SLC39A11: variants seen among roughly 807,000 people sequenced by gnomAD.
SLC39A11 encodes solute carrier family 39 member 11.
Under a neutral mutation model 36.1 loss-of-function variants are expected in SLC39A11, and 33 were observed. The observed-to-expected ratio is 0.91, with a 90% CI of 0.69 to 1.22. SLC39A11 has a LOEUF of 1.22. SLC39A11 is among the 50% of genes most tolerant of loss of function. SLC39A11 has a pLI of 0.00. For synonymous variants in SLC39A11, 166 were observed against 170.3 expected (o/e 0.97, Z 0.20); for missense variants, 432 against 430.3 (o/e 1.00, Z -0.03).
chr17:72,697,518 C>A (rs1267408621), intron 7 of SLC39A11, among the ~76,000 whole-genome samples: 1 of 152,206 alleles, frequency 6.6e-6, no homozygotes, highest in Non-Finnish European at 1.5e-5. Flanking sequence ...CAATCTCCCA[C>A]AATCTCCATC....
At chr17:72,979,619 G>A (rs529680031) in intron 4 of SLC39A11, among the ~76,000 whole-genome samples, 53 of 152,216 alleles carry the variant, frequency 3.5e-4, no homozygotes, top group African/African-American at 1.1e-3. Flanking sequence ...TGTGTGAAGC[G>A]CCACAGAAAA....
At chr17:72,771,553 T>A (rs554526577) in intron 6 of SLC39A11, among the ~76,000 whole-genome samples, 1 of 151,936 alleles carries the variant, frequency 6.6e-6, no homozygotes, top group East Asian at 1.9e-4. Flanking sequence ...AGAAGCTCCA[T>A]GGTAGGATGG....
intron 6 of SLC39A11, among the ~76,000 whole-genome samples, chr17:72,737,071 T>A (rs2074462682): frequency 6.9e-6 from 1 of 144,472 alleles, no homozygotes; most frequent in Non-Finnish European, 1.5e-5. Context: ...AGGTCAGGAG[T>A]TCGAGACCAG....
rs144398599 is a variant in SLC39A11, at chr17:72,951,784, C to CAG, written c.307-3911_307-3910dup. ...ACTAGCCCATTATTAACTGTAAAGACAGTGTTCCTTTAGGGAAGATGCCAA... is the reference window on the plus strand; with the variant it reads ...ACTAGCCCATTATTAACTGTAAAGACAGAGTGTTCCTTTAGGGAAGATGCCAA... On this transcript the variant is annotated intron_variant, in intron 4 of 9. Transcript: ENST00000255559. Among the ~76,000 whole-genome samples, 537 of 152,196 alleles carry CAG rather than the reference C, an allele frequency of 3.5e-3. 6 individuals are homozygous for CAG. Among genetic ancestry groups the CAG allele is most frequent in the African/African-American group, 0.012 (491 of 41,526 alleles).
intron 5 of SLC39A11, among the ~76,000 whole-genome samples, chr17:72,872,195 G>C (rs993730487): frequency 1.3e-5 from 2 of 152,172 alleles, no homozygotes; most frequent in Admixed American, 6.5e-5. Context: ...GGAGTGGAGG[G>C]AGTTGGAAGC....
At chr17:72,988,354 T>C (rs542441398) in intron 4 of SLC39A11, among the ~76,000 whole-genome samples, 1 of 152,180 alleles carries the variant, frequency 6.6e-6, no homozygotes, top group African/African-American at 2.4e-5. Context: ...CCAGCTACTT[T>C]GGAGGCTGAG....
rs187083518 is a variant in SLC39A11, at chr17:72,975,734, C to T, written c.307-27859G>A. ...CAGCTGCTGTAACAAAGATAGAAAG[C>T]GAACAATGACTGAAGTACAATAGAC... is the stretch of plus-strand genomic sequence containing the variant. On this transcript the variant is annotated intron_variant, in intron 4 of 9. Transcript: ENST00000255559. 1.4e-3 allele frequency among the ~76,000 whole-genome samples: 210 copies of T among 152,240 alleles called. 1 individual carries two copies. Among genetic ancestry groups the T allele is most frequent in the Admixed American group, 3.1e-3 (48 of 15,292 alleles).
At chr17:72,777,462 T>C (rs529866220) in intron 6 of SLC39A11, among the ~76,000 whole-genome samples, 8 of 152,212 alleles carry the variant, frequency 5.3e-5, no homozygotes, top group South Asian at 2.1e-4. Context: ...TGGATTAGGG[T>C]GGGTCCCCAA....
At chr17:72,986,251 G>A (rs538709815) in intron 4 of SLC39A11, among the ~76,000 whole-genome samples, 1 of 152,202 alleles carries the variant, frequency 6.6e-6, no homozygotes, top group African/African-American at 2.4e-5. Flanking sequence ...CGGCTGTGGA[G>A]CTAGCTTTGA....
At chr17:73,081,777 AT>A (rs1599202257) in intron 3 of SLC39A11, among the ~76,000 whole-genome samples, 9 of 150,434 alleles carry the variant, frequency 6.0e-5, no homozygotes, top group South Asian at 2.1e-4. Context: ...ACATATATAT[AT>A]CATGGACTAC....
At chr17:73,045,744 T>C (rs1441811224) in intron 3 of SLC39A11, among the ~76,000 whole-genome samples, 1 of 152,190 alleles carries the variant, frequency 6.6e-6, no homozygotes, top group Admixed American at 6.5e-5. Flanking sequence ...AAACCTTCAG[T>C]TTGCCAAAAT....
intron 3 of SLC39A11, among the ~76,000 whole-genome samples, chr17:73,072,848 G>A (rs908866300): frequency 2.0e-5 from 3 of 152,152 alleles, no homozygotes; most frequent in Admixed American, 2.0e-4. Flanking sequence ...AATGCACAGC[G>A]GTTTTCTTGT....
At chr17:72,717,729 G>T (rs2073467602) in intron 7 of SLC39A11, among the ~76,000 whole-genome samples, 1 of 152,218 alleles carries the variant, frequency 6.6e-6, no homozygotes, top group Admixed American at 6.5e-5. Context: ...AGGTCCTGGG[G>T]ATTAAGACTT....
intron 5 of SLC39A11, among the ~76,000 whole-genome samples, chr17:72,868,548 A>G (rs80332539): frequency 0.011 from 1,630 of 144,338 alleles, 56 homozygotes; most frequent in East Asian, 0.088. Context: ...TTGAGAGGCT[A>G]AGTCAGGAGG....
chr17:73,024,864 ATTT>A (rs1163840820), intron 4 of SLC39A11, among the ~76,000 whole-genome samples: 14 of 97,900 alleles, frequency 1.4e-4, no homozygotes, highest in African/African-American at 5.4e-4. Context: ...TGCCCAGCTA[ATTT>A]TTTTTTTTTT....
chr17:73,035,175 G>A (rs775457843), intron 3 of SLC39A11, among the ~76,000 whole-genome samples: 3 of 152,076 alleles, frequency 2.0e-5, no homozygotes, highest in Admixed American at 1.3e-4. Flanking sequence ...ACAGAGTCTC[G>A]TTCTGTCACC....
chr17:72,764,218 G>A (rs555597378), intron 6 of SLC39A11, among the ~76,000 whole-genome samples: 1 of 152,190 alleles, frequency 6.6e-6, no homozygotes, highest in Admixed American at 6.5e-5. Flanking sequence ...GGCGGAGGGA[G>A]GAGCCATCTT....
chr17:72,674,988 G>A (rs1248999881), intron 7 of SLC39A11, among the ~76,000 whole-genome samples: 1 of 150,740 alleles, frequency 6.6e-6, no homozygotes, highest in Non-Finnish European at 1.5e-5. Context: ...GTGTGCGTAT[G>A]TGTGTGTGTG....
At chr17:72,974,286 G>A (rs1202589065) in intron 4 of SLC39A11, among the ~76,000 whole-genome samples, 1 of 152,020 alleles carries the variant, frequency 6.6e-6, no homozygotes, top group Non-Finnish European at 1.5e-5. Context: ...TTTTAGTAGA[G>A]ACAAGGTTTT....
Sources: allele counts gnomAD v4.1 joint callset (sites outside exome capture counted in the v4.1 genomes callset), GRCh38; gene constraint gnomAD v4.1.1; transcripts MANE v1.5; gene names NCBI Gene and HGNC (gene_info 2026-07-23, HGNC 2026-07-21).